The following MX1 variants were observed in gnomAD, a reference collection of about 807,000 sequenced individuals.
MX1 encodes interferon-induced GTP-binding protein Mx1.
In MX1, 66 loss-of-function variants were observed where a neutral mutation model predicts 66.4. The ratio of observed to expected loss-of-function variants is 0.99; its 90% CI spans 0.82 to 1.22. The LOEUF (loss-of-function observed/expected upper bound fraction) is 1.22, where lower values mean the gene tolerates loss of function less well. MX1 is among the 50% of genes most tolerant of loss of function. The pLI is 0.00. For synonymous variants in MX1, 311 were observed against 318.1 expected (o/e 0.98, Z 0.24); for missense variants, 787 against 834.3 (o/e 0.94, Z 0.70).
chr21:41,444,322 T>C (rs1196615357), intron 11 of MX1, among the ~76,000 whole-genome samples: 6 of 119,834 alleles, frequency 5.0e-5, no homozygotes, highest in Middle Eastern at 4.2e-3. Context: ...TTCTTTCTTT[T>C]TTTTTTTTTT....
At position 41,432,107 on chromosome 21, in the gene MX1, C is replaced by T. The variant is rs766595693; in HGVS notation, c.37C>T (p.Pro13Ser). Reference protein sequence around the residue: ...VSEVDIAKADPAAASHPLLLN... With the variant: ...VSEVDIAKADSAAASHPLLLN... ...CGAAGTGGACATCGCAAAAGCTGATCCAGCTGCTGCATCCCACCCTCTATT... is the reference window on the plus strand; with the variant it reads ...CGAAGTGGACATCGCAAAAGCTGATTCAGCTGCTGCATCCCACCCTCTATT... The change falls in exon 5 of 17, where the codon CCA becomes TCA. Residue 13 changes from proline (P) to serine (S), a missense_variant. Coordinates refer to ENST00000398598, the MANE Select transcript of MX1 (RefSeq NM_002462.5). The T allele has an allele frequency of 3.7e-6, 6 of 1,614,180 alleles. No individual in the cohort carries two copies. The highest frequency in any genetic ancestry group is 4.2e-6 in the Non-Finnish European group (5 of 1,180,040).
intron 16 of MX1, among the ~76,000 whole-genome samples, chr21:41,454,582 G>A (rs1471184024): frequency 6.6e-6 from 1 of 152,208 alleles, no homozygotes; most frequent in Non-Finnish European, 1.5e-5. Flanking sequence ...GAATGCAATG[G>A]TAGCAGACTA....
chr21:41,435,694 A>G, intron 5 of MX1, 143 bp from the exon 6 acceptor site: 1 of 899,676 alleles, frequency 1.1e-6, no homozygotes, highest in South Asian at 1.7e-5. Context: ...CAATCCAATT[A>G]CCTCCACCTG....
chr21:41,454,098 T>TCC (rs57309051), intron 16 of MX1, among the ~76,000 whole-genome samples: 1 of 151,334 alleles, frequency 6.6e-6, no homozygotes. Context: ...AGGTGCAAAT[T>TCC]CCCCCCCCAC....
At chr21:41,423,495 GT>G (rs2090014132), upstream of MX1, among the ~76,000 whole-genome samples, 1 of 152,172 alleles carries the variant, frequency 6.6e-6, no homozygotes, top group African/African-American at 2.4e-5. Context: ...TTTACTTCCT[GT>G]TTTTGCCTAA....
At chr21:41,448,926 G>A (rs1646866931) in intron 13 of MX1, among the ~76,000 whole-genome samples, 1 of 142,820 alleles carries the variant, frequency 7.0e-6, no homozygotes, top group African/African-American at 2.6e-5. Flanking sequence ...CTTCAGATCT[G>A]GTTTTGTGTG....
chr21:41,449,006 G>A, intron 13 of MX1, 131 bp from the exon 14 acceptor site: 1 of 656,096 alleles, frequency 1.5e-6, no homozygotes, highest in Non-Finnish European at 2.5e-6. Flanking sequence ...TAGTTTACCA[G>A]TTAGATTTGA....
chr21:41,455,347 T>A (rs1284157448), intron 16 of MX1, among the ~76,000 whole-genome samples: 1 of 152,222 alleles, frequency 6.6e-6, no homozygotes. Flanking sequence ...TGAAGCCAGT[T>A]AAGGGGAAGA....
At chr21:41,449,358 C>A in intron 14 of MX1, 63 bp downstream of exon 14, 1 of 1,535,362 alleles carries the variant, frequency 6.5e-7, no homozygotes, top group Non-Finnish European at 8.8e-7. Flanking sequence ...CGAACCAAAG[C>A]CAGCACCAAA....
intron 13 of MX1, among the ~76,000 whole-genome samples, chr21:41,448,544 G>A (rs56348832): frequency 0.18 from 27,950 of 152,078 alleles, 2,906 homozygotes; most frequent in East Asian, 0.28. Context: ...GGTGGCTCAC[G>A]CCTGTAATCC....
intron 5 of MX1, among the ~76,000 whole-genome samples, chr21:41,432,744 A>G (rs756240058): frequency 2.0e-5 from 3 of 152,216 alleles, no homozygotes; most frequent in Non-Finnish European, 4.4e-5. Flanking sequence ...TCTTTGCTTT[A>G]TATGGCTGAG....
At chr21:41,443,583 A>G (rs1156250367) in intron 10 of MX1, 2 of 591,748 alleles carry the variant, frequency 3.4e-6, no homozygotes, top group Non-Finnish European at 6.1e-6. Flanking sequence ...CTCATTCCAT[A>G]TCATTGTGGA....
At position 41,452,614 on chromosome 21, in the gene MX1, A is replaced by T. The variant is rs376808911; in HGVS notation, c.1510-7A>T. 2 of 1,588,498 alleles carry T rather than the reference A, an allele frequency of 1.3e-6. No homozygotes were observed. Among genetic ancestry groups the T allele is most frequent in the South Asian group, 1.2e-5 (1 of 86,468 alleles). On this transcript the variant is annotated splice_region_variant and splice_polypyrimidine_tract_variant and intron_variant, in intron 15 of 16. Transcript: ENST00000398598. The stretch of plus-strand genomic sequence containing the variant: ...GGGAAACTGTATTTATTTATTTTTT[A>T]CTGTAGTCCAAAATTGAAGACATTA...
chr21:41,429,050 C>T (rs1469292272), intron 3 of MX1: 1 of 152,220 alleles, frequency 6.6e-6, no homozygotes, highest in Non-Finnish European at 1.5e-5. Flanking sequence ...GCAGCCTCCT[C>T]TCCAAACACA....
rs778153587 is a variant in MX1 at position 41,437,106 on chromosome 21, G to A, written c.390G>A (p.Glu130=). ...WRGKVSYQDY[E]IEISDASEVE... The stretch of plus-strand genomic sequence containing the variant: ...GCAAGGTCAGTTACCAGGACTACGA[G>A]ATTGAGATTTCGGATGCTTCAGAGG... The change falls in exon 7 of 17, where the codon GAG becomes GAA. Residue 130 remains glutamate, a synonymous_variant. Coordinates refer to ENST00000398598, the MANE Select transcript of MX1 (RefSeq NM_002462.5). 3 of 1,613,912 alleles carry A rather than the reference G, an allele frequency of 1.9e-6. No individual in the cohort carries two copies. Among genetic ancestry groups the A allele is most frequent in the Non-Finnish European group, 2.5e-6 (3 of 1,179,968 alleles).
At chr21:41,457,849 C>T (rs999607887) in intron 16 of MX1, among the ~76,000 whole-genome samples, 1 of 152,172 alleles carries the variant, frequency 6.6e-6, no homozygotes, top group Middle Eastern at 3.2e-3. Flanking sequence ...TAAACACATT[C>T]CCCATTCCCC....
chr21:41,450,620 G>A (rs1601531754), intron 14 of MX1, among the ~76,000 whole-genome samples: 2 of 152,178 alleles, frequency 1.3e-5, no homozygotes, highest in East Asian at 3.9e-4. Context: ...AATCAACATA[G>A]ATATACCTAT....
chr21:41,426,994 G>GC (rs544519654), intron 1 of MX1: 44 of 152,448 alleles, frequency 2.9e-4, no homozygotes, highest in Admixed American at 2.7e-3. Flanking sequence ...GGCAGAAGGA[G>GC]CCCGGGCACA....
At chr21:41,421,643 C>T (rs918494548), upstream of MX1, among the ~76,000 whole-genome samples, 2 of 152,174 alleles carry the variant, frequency 1.3e-5, no homozygotes, top group African/African-American at 4.8e-5. Flanking sequence ...CATCTTGCAC[C>T]GCCCTTAATC....
Sources: allele counts gnomAD v4.1 joint callset (sites outside exome capture counted in the v4.1 genomes callset), GRCh38; gene constraint gnomAD v4.1.1; transcripts MANE v1.5; gene names NCBI Gene and HGNC (gene_info 2026-07-23, HGNC 2026-07-21).